TNFSF4: variants seen among roughly 807,000 people sequenced by gnomAD.
TNFSF4 encodes the protein TNF superfamily member 4, also known as tumor necrosis factor ligand superfamily member 4.
TNFSF4 carries 4 observed loss-of-function variants against 7.3 expected under a neutral mutation model. The observed-to-expected ratio is 0.55, with a 90% CI of 0.27 to 1.25. TNFSF4 has a LOEUF of 1.25. Ranked by LOEUF, TNFSF4 falls within the 50% of genes most tolerant of loss-of-function variation. The pLI is 0.12. For missense variants in TNFSF4, 181 were observed against 208.8 expected, an observed-to-expected ratio of 0.87 and a Z score of 0.82; for synonymous variants, 76 against 83.7, an observed-to-expected ratio of 0.91 and a Z score of 0.50.
At chr1:173,349,249 C>T in the TNFSF4 span, among the ~76,000 whole-genome samples, 1 of 152,072 alleles carries the variant, frequency 6.6e-6, no homozygotes, top group South Asian at 2.1e-4. Flanking sequence ...AGGATGGTCT[C>T]GATCTCCCGA....
At chr1:173,221,962 T>C in the TNFSF4 span, among the ~76,000 whole-genome samples, 1 of 152,166 alleles carries the variant, frequency 6.6e-6, no homozygotes, top group Non-Finnish European at 1.5e-5. Context: ...TGTCAAGGCT[T>C]TATGTAAGGG....
At chr1:173,443,653 C>G in the TNFSF4 span, among the ~76,000 whole-genome samples, 6 of 152,190 alleles carry the variant, frequency 3.9e-5, no homozygotes, top group South Asian at 2.1e-4. Context: ...CTCTCTCCCC[C>G]GTAAAGTCAC....
At chr1:173,256,261 T>C in the TNFSF4 span, among the ~76,000 whole-genome samples, 1 of 152,158 alleles carries the variant, frequency 6.6e-6, no homozygotes, top group African/African-American at 2.4e-5. Context: ...GCCTGGGTGA[T>C]TTAAACAACA....
the TNFSF4 span, among the ~76,000 whole-genome samples, chr1:173,348,110 A>C: frequency 6.6e-6 from 1 of 152,208 alleles, no homozygotes; most frequent in Non-Finnish European, 1.5e-5. Flanking sequence ...GAAGATCAAT[A>C]ATCTAAGTAC....
the TNFSF4 span, among the ~76,000 whole-genome samples, chr1:173,396,811 G>A: frequency 1.3e-5 from 2 of 152,194 alleles, no homozygotes; most frequent in Admixed American, 1.3e-4. Flanking sequence ...TTCACACTGG[G>A]AGGGCCCAGA....
At chr1:173,373,395 C>T in the TNFSF4 span, among the ~76,000 whole-genome samples, 1 of 152,200 alleles carries the variant, frequency 6.6e-6, no homozygotes, top group Non-Finnish European at 1.5e-5. Context: ...AGAGACTAAG[C>T]CCCAGTATTC....
At chr1:173,324,157 G>A in the TNFSF4 span, among the ~76,000 whole-genome samples, 67 of 152,294 alleles carry the variant, frequency 4.4e-4, no homozygotes, top group African/African-American at 1.3e-3. Flanking sequence ...GACTAACAGC[G>A]GATCTCTCGG....
chr1:173,202,569 A>G (rs985361536), intron 1 of TNFSF4, among the ~76,000 whole-genome samples: 6 of 152,218 alleles, frequency 3.9e-5, no homozygotes, highest in Admixed American at 3.9e-4. Flanking sequence ...AGTGCTGTTC[A>G]GATTAGACTC....
At chr1:173,317,367 G>A in the TNFSF4 span, among the ~76,000 whole-genome samples, 8 of 152,142 alleles carry the variant, frequency 5.3e-5, no homozygotes, top group Non-Finnish European at 1.0e-4. Flanking sequence ...TACTCAATAC[G>A]CTTCTTGGCC....
chr1:173,274,098 T>C, the TNFSF4 span, among the ~76,000 whole-genome samples: 1 of 151,062 alleles, frequency 6.6e-6, no homozygotes, highest in Non-Finnish European at 1.5e-5. Context: ...AATTAACAGG[T>C]TGGTGTCCCT....
the TNFSF4 span, among the ~76,000 whole-genome samples, chr1:173,303,443 C>T: frequency 6.6e-6 from 1 of 151,866 alleles, no homozygotes; most frequent in Non-Finnish European, 1.5e-5. Flanking sequence ...CCTGTCTGCT[C>T]TTTCTGGCTG....
the TNFSF4 span, among the ~76,000 whole-genome samples, chr1:173,298,903 G>T: frequency 6.6e-6 from 1 of 151,820 alleles, no homozygotes; most frequent in African/African-American, 2.4e-5. Flanking sequence ...AAATGAAAGA[G>T]GATATATAAA....
At chr1:173,227,227 T>C in the TNFSF4 span, among the ~76,000 whole-genome samples, 1 of 152,192 alleles carries the variant, frequency 6.6e-6, no homozygotes, top group African/African-American at 2.4e-5. Flanking sequence ...TGCCACTCCC[T>C]GAATTTAGAT....
the TNFSF4 span, among the ~76,000 whole-genome samples, chr1:173,314,105 T>G: frequency 6.6e-6 from 1 of 152,240 alleles, no homozygotes; most frequent in East Asian, 1.9e-4. Context: ...TTATAATAAA[T>G]ACACTTAAAC....
chr1:173,391,126 T>C, the TNFSF4 span, among the ~76,000 whole-genome samples: 5 of 152,088 alleles, frequency 3.3e-5, no homozygotes, highest in Non-Finnish European at 7.4e-5. Context: ...TGTGCATAAC[T>C]ACAGCAGACA....
chr1:173,350,903 G>A, the TNFSF4 span, among the ~76,000 whole-genome samples: 2 of 152,222 alleles, frequency 1.3e-5, no homozygotes, highest in East Asian at 3.8e-4. Context: ...ATTCCTGTAA[G>A]AGGAGAGAAG....
chr1:173,410,240 A>G, the TNFSF4 span, among the ~76,000 whole-genome samples: 2 of 152,214 alleles, frequency 1.3e-5, no homozygotes, highest in Non-Finnish European at 2.9e-5. Flanking sequence ...AAATAAAAAA[A>G]GACACAGGCC....
chr1:173,411,534 T>G, the TNFSF4 span, among the ~76,000 whole-genome samples: 1 of 152,232 alleles, frequency 6.6e-6, no homozygotes, highest in African/African-American at 2.4e-5. Flanking sequence ...GTGCAGTGGC[T>G]CACTCCTGTA....
chr1:173,212,360 T>C, the TNFSF4 span, among the ~76,000 whole-genome samples: 2 of 152,088 alleles, frequency 1.3e-5, no homozygotes, highest in Admixed American at 6.5e-5. Context: ...ATTTCTAAAA[T>C]AGTCCATAAG....
Sources: allele counts gnomAD v4.1 joint callset (sites outside exome capture counted in the v4.1 genomes callset), GRCh38; gene constraint gnomAD v4.1.1; transcripts MANE v1.5; gene names NCBI Gene and HGNC (gene_info 2026-07-23, HGNC 2026-07-21).